The following FARP1 variants were observed in gnomAD, a reference collection of about 807,000 sequenced individuals.
FARP1 encodes FERM, ARH/RhoGEF and pleckstrin domain protein 1, also known as FERM, ARHGEF and pleckstrin domain-containing protein 1.
FARP1 carries 52 observed loss-of-function variants against 128.8 expected under a neutral mutation model. That is an observed-to-expected ratio of 0.40 (90% CI 0.32 to 0.51). The LOEUF (loss-of-function observed/expected upper bound fraction) is 0.51, where lower values mean the gene tolerates loss of function less well. Ranked by LOEUF, FARP1 falls within the 20% of genes least tolerant of loss-of-function variation. The probability of loss-of-function intolerance (pLI) is 0.45; values close to 1 mark genes in which losing one functional copy is unlikely to be tolerated. For synonymous variants in FARP1, 580 were observed against 551.8 expected, an observed-to-expected ratio of 1.05 and a Z score of -0.72; for missense variants, 1,333 against 1,367.9, an observed-to-expected ratio of 0.97 and a Z score of 0.40.
chr13:98,218,400 G>A (rs574440365), intron 2 of FARP1, among the ~76,000 whole-genome samples: 8 of 152,250 alleles, frequency 5.3e-5, no homozygotes, highest in Admixed American at 3.9e-4. Context: ...ATTAGGCACT[G>A]GGGCCTGATG....
intron 1 of FARP1, among the ~76,000 whole-genome samples, chr13:98,209,269 A>G (rs1200736071): frequency 6.6e-6 from 1 of 151,612 alleles, no homozygotes; most frequent in East Asian, 2.0e-4. Context: ...TGGCCTCCCA[A>G]AGTGCTGGGA....
intron 2 of FARP1, among the ~76,000 whole-genome samples, chr13:98,261,007 T>C (rs1883852249): frequency 6.6e-6 from 1 of 152,122 alleles, no homozygotes; most frequent in Non-Finnish European, 1.5e-5. Flanking sequence ...TTCTGCTCTG[T>C]GTAGGGGTGT....
chr13:98,296,688 C>CTTTT (rs11420681), intron 2 of FARP1, among the ~76,000 whole-genome samples: 3 of 123,290 alleles, frequency 2.4e-5, no homozygotes, highest in African/African-American at 6.2e-5. Flanking sequence ...ACTTAATGGC[C>CTTTT]TTTTTTTTTT....
chr13:98,354,769 G>A (rs1888574145), intron 3 of FARP1, among the ~76,000 whole-genome samples: 1 of 152,202 alleles, frequency 6.6e-6, no homozygotes, highest in South Asian at 2.1e-4. Context: ...ATCAAGAGAA[G>A]AATTGTTAAA....
Position 98,431,241 on chromosome 13 carries a change from C to T in FARP1, c.2104C>T (p.His702Tyr). Residue 702 changes from histidine to tyrosine, a missense_variant, in exon 18 of 27, where the codon CAC (histidine) becomes TAC (tyrosine). Physicochemically the swap from His to Tyr is moderately conservative, Grantham distance 83 (BLOSUM62 2). Transcript: ENST00000319562. ...GCAGGTCCTGGAGCGGCTGTGCAAA[C>T]ACCACCCGCCGAGCCACGCCGACTT... ...YKQVLERLCK[H>Y]HPPSHADFRD... is the part of the protein sequence containing the mutation. 1 of 1,563,782 alleles carries T rather than the reference C, an allele frequency of 6.4e-7. No individual in the cohort carries two copies.
At chr13:98,214,153 C>CT (rs1042843136) in intron 2 of FARP1, among the ~76,000 whole-genome samples, 37 of 152,214 alleles carry the variant, frequency 2.4e-4, no homozygotes, top group Non-Finnish European at 1.5e-5. Flanking sequence ...TGTTCTTCTC[C>CT]GAGCCCCTGC....
At position 98,414,102 on chromosome 13, in the gene FARP1, G is replaced by T. The variant is rs115631562; in HGVS notation, c.1826+2068G>T. Reference sequence around the variant, plus strand: ...CATTTTAGGAGTAAATGCCGTACGCGTGGATCTTCCATGGCCATAAATCTT... The same window carrying T: ...CATTTTAGGAGTAAATGCCGTACGCTTGGATCTTCCATGGCCATAAATCTT... On this transcript the variant is annotated intron_variant, in intron 16 of 26. Transcript: ENST00000319562. Among the ~76,000 whole-genome samples, 1,215 of 152,290 alleles carry T rather than the reference G, an allele frequency of 8.0e-3. 15 individuals carry two copies. Among genetic ancestry groups the T allele is most frequent in the African/African-American group, 0.028 (1,144 of 41,546 alleles).
chr13:98,420,743 C>G (rs1054057026), intron 16 of FARP1, among the ~76,000 whole-genome samples: 4 of 152,184 alleles, frequency 2.6e-5, no homozygotes, highest in African/African-American at 9.7e-5. Context: ...GGACCCCTTT[C>G]TTGTGAGGTT....
At position 98,330,621 on chromosome 13, in the gene FARP1, G is replaced by A. The variant is rs548364472; in HGVS notation, c.172-13141G>A. ...AATACAAAAATTAGCTGGGCGTGGT[G>A]GCAGGCGCCTGTAATCCCAGCTACT... On this transcript the variant is annotated intron_variant, in intron 2 of 26. Coordinates refer to ENST00000319562, the MANE Select transcript of FARP1 (RefSeq NM_005766.4). Among the ~76,000 whole-genome samples the A allele has an allele frequency of 7.9e-5, 12 of 152,118 alleles. No individual in the cohort carries two copies. In the East Asian group the frequency reaches 2.1e-3, roughly 27 times the overall value.
At chr13:98,267,747 G>A (rs1884196119) in intron 2 of FARP1, among the ~76,000 whole-genome samples, 3 of 152,036 alleles carry the variant, frequency 2.0e-5, no homozygotes, top group Admixed American at 1.3e-4. Flanking sequence ...CCTTCCCACC[G>A]AGGACTGCAG....
chr13:98,236,905 T>C (rs553439604), intron 2 of FARP1, among the ~76,000 whole-genome samples: 7 of 152,144 alleles, frequency 4.6e-5, no homozygotes, highest in Admixed American at 2.6e-4. Context: ...GGCAGAAGAA[T>C]CACTTAAACC....
intron 19 of FARP1, among the ~76,000 whole-genome samples, chr13:98,437,510 A>G (rs9584847): frequency 0.15 from 22,379 of 152,270 alleles, 1,820 homozygotes; most frequent in African/African-American, 0.21. Context: ...GCTGACTGCA[A>G]GGAGACAAAG....
intron 2 of FARP1, among the ~76,000 whole-genome samples, chr13:98,318,950 G>GTTTTTTTTTT (rs56166470): frequency 0.013 from 1,554 of 120,494 alleles, no homozygotes; most frequent in East Asian, 0.021. Flanking sequence ...GTTTTTTCTT[G>GTTTTTTTTTT]TTTTTTTTTT....
intron 2 of FARP1, among the ~76,000 whole-genome samples, chr13:98,287,303 C>G (rs550703644): frequency 1.6e-4 from 23 of 140,652 alleles, no homozygotes; most frequent in African/African-American, 6.2e-4. Flanking sequence ...CAGTCTCGGC[C>G]ACTGCAACCT....
intron 2 of FARP1, among the ~76,000 whole-genome samples, chr13:98,251,794 T>C (rs1883338344): frequency 1.3e-5 from 2 of 152,132 alleles, no homozygotes; most frequent in Admixed American, 1.3e-4. Context: ...AAGTCCATGA[T>C]AAACCATAAA....
intron 2 of FARP1, among the ~76,000 whole-genome samples, chr13:98,284,267 G>A (rs1885067058): frequency 6.6e-6 from 1 of 151,964 alleles, no homozygotes; most frequent in Non-Finnish European, 1.5e-5. Flanking sequence ...CTTCCAGTGT[G>A]GCCCAGGGAA....
At chr13:98,295,557 T>G (rs560065924) in intron 2 of FARP1, among the ~76,000 whole-genome samples, 1 of 152,272 alleles carries the variant, frequency 6.6e-6, no homozygotes, top group Non-Finnish European at 1.5e-5. Flanking sequence ...CCAGTCCCCC[T>G]CTCCTCCCCC....
chr13:98,338,275 C>T (rs369686105), intron 2 of FARP1, among the ~76,000 whole-genome samples: 2 of 152,272 alleles, frequency 1.3e-5, no homozygotes, highest in South Asian at 2.1e-4. Context: ...TCTTACCTTG[C>T]AAAACTGAAG....
intron 2 of FARP1, among the ~76,000 whole-genome samples, chr13:98,290,355 A>G (rs981885591): frequency 5.3e-5 from 8 of 151,980 alleles, no homozygotes; most frequent in South Asian, 4.2e-4. Context: ...AGTGACATTT[A>G]GCAGAGACCT....
Sources: gnomAD v4.1 joint callset for allele counts (sites outside exome capture counted in the v4.1 genomes callset) on GRCh38, gnomAD v4.1.1 for gene constraint, MANE v1.5 for transcripts, NCBI Gene and HGNC (gene_info 2026-07-23, HGNC 2026-07-21) for gene names.